Variants in ZBTB20 observed in about 807,000 individuals in gnomAD.
ZBTB20 encodes zinc finger and BTB domain-containing protein 20.
A neutral mutation model predicts 56.9 loss-of-function variants in ZBTB20; 9 were observed. That is an observed-to-expected ratio of 0.16 (90% CI 0.10 to 0.28). The LOEUF is 0.28. Among genes scored for constraint, ZBTB20 ranks in the 10% least tolerant of loss-of-function variants. The probability of loss-of-function intolerance (pLI) is 1.00; values close to 1 mark genes in which losing one functional copy is unlikely to be tolerated. For synonymous variants in ZBTB20, 417 were observed against 420.7 expected, an observed-to-expected ratio of 0.99 and a Z score of 0.11; for missense variants, 655 against 1,003.0, an observed-to-expected ratio of 0.65 and a Z score of 4.69.
intron 6 of ZBTB20, among the ~76,000 whole-genome samples, chr3:114,598,740 A>T (rs2056527745): frequency 6.6e-6 from 1 of 152,052 alleles, no homozygotes; most frequent in South Asian, 2.1e-4. Flanking sequence ...AATTTAATAT[A>T]TCATATTTCA....
Position 114,920,342 on chromosome 3 carries a change from A to G in ZBTB20, c.-455-20000T>C, listed in dbSNP as rs550707561. On this transcript the variant is annotated intron_variant, in intron 3 of 11. Coordinates refer to ENST00000675478, the MANE Select transcript of ZBTB20 (RefSeq NM_001348800.3). ...GAATATACATTTTTCTCAAGTGCAC[A>G]TGGAACAGTCTCCAAATAGATCAGA... Among the ~76,000 whole-genome samples, 9 of 152,318 alleles carry G rather than the reference A, an allele frequency of 5.9e-5. No homozygotes were observed. In the East Asian group the frequency reaches 1.5e-3, roughly 26 times the overall value.
chr3:114,423,202 C>T (rs990274261), intron 7 of ZBTB20, among the ~76,000 whole-genome samples: 1 of 152,202 alleles, frequency 6.6e-6, no homozygotes, highest in African/African-American at 2.4e-5. Flanking sequence ...TCTTTAACCA[C>T]AAAATTTTGT....
At chr3:115,144,788 T>C (rs1280230926) in intron 1 of ZBTB20, 13 of 152,236 alleles carry the variant, frequency 8.5e-5, no homozygotes, top group Admixed American at 8.5e-4. Context: ...ATACTTTCTT[T>C]AGCTTGTTAA....
At chr3:114,576,473 G>A (rs13317899) in intron 6 of ZBTB20, among the ~76,000 whole-genome samples, 18,037 of 119,002 alleles carry the variant, frequency 0.15, 1,368 homozygotes, top group Middle Eastern at 0.32. Context: ...CTGCACTCCA[G>A]CCTGGGTGAC....
chr3:114,571,862 A>C (rs978793100), intron 6 of ZBTB20, among the ~76,000 whole-genome samples: 7 of 152,166 alleles, frequency 4.6e-5, no homozygotes, highest in African/African-American at 1.7e-4. Flanking sequence ...TAAGCCTGAA[A>C]GCACTGGCAT....
At chr3:114,978,054 C>A (rs1034620821) in intron 2 of ZBTB20, among the ~76,000 whole-genome samples, 2 of 139,950 alleles carry the variant, frequency 1.4e-5, no homozygotes, top group Non-Finnish European at 1.6e-5. Flanking sequence ...ACATCTTTAA[C>A]AAAATTCAAA....
intron 6 of ZBTB20, among the ~76,000 whole-genome samples, chr3:114,655,519 T>TG (rs2060361674): frequency 6.6e-6 from 1 of 152,168 alleles, no homozygotes; most frequent in South Asian, 2.1e-4. Context: ...CCCAAAGTGC[T>TG]GGGATTACAG....
At chr3:114,436,683 G>A (rs2090540889) in intron 7 of ZBTB20, among the ~76,000 whole-genome samples, 1 of 152,110 alleles carries the variant, frequency 6.6e-6, no homozygotes, top group East Asian at 1.9e-4. Flanking sequence ...TATTCACTAT[G>A]TAAACCTATA....
At position 114,430,951 on chromosome 3, in the gene ZBTB20, T is replaced by A. The variant is rs879909648; in HGVS notation, c.-254-41846A>T. On this transcript the variant is annotated intron_variant, in intron 7 of 11. Coordinates refer to ENST00000675478, the MANE Select transcript of ZBTB20 (RefSeq NM_001348800.3). ...GGAAAACAAGTGAATTTTTCTCTCATATATGAAGGCCTAGATGTGGGGAAA... is the reference window on the plus strand; with the variant it reads ...GGAAAACAAGTGAATTTTTCTCTCAAATATGAAGGCCTAGATGTGGGGAAA... Among the ~76,000 whole-genome samples, 3 of 152,160 alleles carry A rather than the reference T, an allele frequency of 2.0e-5. No individual in the cohort carries two copies. In the East Asian group the frequency reaches 5.8e-4, roughly 29 times the overall value.
intron 7 of ZBTB20, among the ~76,000 whole-genome samples, chr3:114,443,735 A>G (rs928687419): frequency 6.6e-6 from 1 of 152,212 alleles, no homozygotes; most frequent in Admixed American, 6.5e-5. Flanking sequence ...AGCAATAACA[A>G]TAACAACAAT....
At chr3:114,421,024 C>T (rs1200688893) in intron 7 of ZBTB20, among the ~76,000 whole-genome samples, 3 of 152,076 alleles carry the variant, frequency 2.0e-5, no homozygotes, top group African/African-American at 7.2e-5. Flanking sequence ...AAGCTTTTCT[C>T]ATTTGATTGT....
At chr3:114,495,476 C>CAG (rs2043189041) in intron 7 of ZBTB20, among the ~76,000 whole-genome samples, 1 of 152,082 alleles carries the variant, frequency 6.6e-6, no homozygotes, top group Admixed American at 6.5e-5. Context: ...CACACACACA[C>CAG]AGTCTCTCTC....
chr3:114,557,637 A>T (rs1419439339), intron 6 of ZBTB20, among the ~76,000 whole-genome samples: 1 of 151,910 alleles, frequency 6.6e-6, no homozygotes, highest in Non-Finnish European at 1.5e-5. Context: ...TTGTCTCTTC[A>T]TACTTACCCT....
At chr3:114,427,192 C>T (rs752689133) in intron 7 of ZBTB20, among the ~76,000 whole-genome samples, 10 of 152,146 alleles carry the variant, frequency 6.6e-5, no homozygotes, top group Non-Finnish European at 1.2e-4. Context: ...ATGAGAGTTT[C>T]CCAAATTTCT....
intron 7 of ZBTB20, among the ~76,000 whole-genome samples, chr3:114,433,767 C>G (rs957224906): frequency 3.9e-5 from 6 of 152,126 alleles, no homozygotes; most frequent in Non-Finnish European, 7.3e-5. Flanking sequence ...CCACAGGAGA[C>G]ATACAAATAA....
chr3:114,719,320 T>C (rs1560166807), intron 5 of ZBTB20, among the ~76,000 whole-genome samples: 1 of 152,006 alleles, frequency 6.6e-6, no homozygotes, highest in South Asian at 2.1e-4. Flanking sequence ...CCATTGATAA[T>C]GGCCACAGGA....
At chr3:115,078,533 C>A (rs1301123764) in intron 1 of ZBTB20, among the ~76,000 whole-genome samples, 2 of 150,512 alleles carry the variant, frequency 1.3e-5, no homozygotes, top group African/African-American at 4.9e-5. Flanking sequence ...TTCTTAATGA[C>A]CATTATGGCA....
At chr3:114,589,883 T>C (rs768491540) in intron 6 of ZBTB20, among the ~76,000 whole-genome samples, 7 of 152,214 alleles carry the variant, frequency 4.6e-5, no homozygotes, top group African/African-American at 9.6e-5. Context: ...ATTGATGGTA[T>C]ATTTTTCCAT....
In ZBTB20 at chr3:114,316,719, C is replaced by G; in HGVS notation, c.*22286G>C. 2.7e-6 allele frequency: 1 copy of G among 373,490 alleles called. No homozygotes were observed. 23.1% of individuals were successfully genotyped at this position (373,490 alleles called of 1,614,324 possible). On this transcript the variant is annotated 3_prime_UTR_variant, in exon 12 of 12. Transcript: ENST00000675478. ...CAGAAAAACTGTAATCCACTGATTC[C>G]TTGGAAAACATTTTTGATGAGAAAA...
Sources: allele counts gnomAD v4.1 joint callset (sites outside exome capture counted in the v4.1 genomes callset), GRCh38; gene constraint gnomAD v4.1.1; transcripts MANE v1.5; gene names NCBI Gene and HGNC (gene_info 2026-07-23, HGNC 2026-07-21).